Variants in GRIN2C observed in about 807,000 individuals in gnomAD.
GRIN2C encodes the protein glutamate receptor ionotropic, NMDA 2C.
Under a neutral mutation model 77.7 loss-of-function variants are expected in GRIN2C, and 64 were observed. The ratio of observed to expected loss-of-function variants is 0.82; its 90% CI spans 0.67 to 1.01. The LOEUF is 1.01. Ranked by LOEUF, GRIN2C falls within the 50% of genes least tolerant of loss-of-function variation. GRIN2C has a pLI of 0.00. For missense variants in GRIN2C, 1,549 were observed against 1,486.0 expected (o/e 1.04, Z -0.70); for synonymous variants, 792 against 643.4 (o/e 1.23, Z -3.49).
rs1035269712 is a variant in GRIN2C, at chr17:74,843,520, G to A, written c.2617C>T (p.Leu873Phe). 6 of 1,533,296 alleles carry A rather than the reference G, an allele frequency of 3.9e-6. No homozygotes were observed. The African/African-American group carries it at 6.9e-5, about 18-fold the overall frequency. 95.0% of individuals were successfully genotyped at this position (1,533,296 alleles called of 1,614,324 possible). The change falls in exon 13 of 13, where the codon CTC becomes TTC. Residue 873 changes from leucine (L) to phenylalanine (F), a missense_variant. Leu to Phe is a conservative substitution (Grantham distance 22). This residue lies in a region of GRIN2C where 450 missense variants were observed against 267.9 expected (regional missense o/e 1.68). Transcript: ENST00000293190. Reference protein sequence around the residue: ...IYSCFSGVQSLASPPRQASPD... With the variant: ...IYSCFSGVQSFASPPRQASPD... ...CTGGCCTGCCGCGGTGGGCTGGCGA[G>A]GCTCTGCACCCCGCTGAAGCAGCTG...
Position 74,842,100 on chromosome 17 carries a change from G to T in GRIN2C, c.*335C>A. The stretch of plus-strand genomic sequence containing the variant: ...GCCAGGTAGAGCAAGGATCGGGATG[G>T]CCCTGCCTCAACCACAAGTTCCAGC... On this transcript the variant is annotated 3_prime_UTR_variant, in exon 13 of 13. Transcript: ENST00000293190. 2 of 319,242 alleles carry T rather than the reference G, an allele frequency of 6.3e-6. No homozygotes were observed. The highest frequency in any genetic ancestry group is 4.0e-5 in the South Asian group (1 of 25,298). 19.8% of individuals were successfully genotyped at this position (319,242 alleles called of 1,614,324 possible). A position where few individuals can be genotyped will look rare whatever the true frequency, so the allele number is the denominator to read the frequency against.
At position 74,850,109 on chromosome 17, in the gene GRIN2C, C is replaced by T; in HGVS notation, c.1491+97G>A. Reference sequence around the variant, plus strand: ...CCCCAGGAGTCATCATTGGTGACAGCCCATGCCCCCCTCTAGAGGGCATCT... The same window carrying T: ...CCCCAGGAGTCATCATTGGTGACAGTCCATGCCCCCCTCTAGAGGGCATCT... On this transcript the variant is annotated intron_variant, in intron 6 of 12. Transcript: ENST00000293190. The surrounding 1 kb of genome is among the most constrained non-coding windows in gnomAD (Gnocchi z 5.3). 2 of 1,427,956 alleles carry T rather than the reference C, an allele frequency of 1.4e-6. No individual in the cohort carries two copies. Among genetic ancestry groups the T allele is most frequent in the Non-Finnish European group, 1.9e-6 (2 of 1,030,750 alleles). 88.5% of individuals were successfully genotyped at this position (1,427,956 alleles called of 1,614,324 possible).
intron 3 of GRIN2C, 134 bp from the exon 4 acceptor site, chr17:74,851,825 G>C (rs1469951174): frequency 1.4e-6 from 1 of 704,360 alleles, no homozygotes; most frequent in Admixed American, 2.3e-5. Flanking sequence ...TTGGCCCCAC[G>C]ATCCTTGCCA....
chr17:74,852,595 A>G lies in GRIN2C; in HGVS notation c.416T>C (p.Phe139Ser). ...VLTPKEPGSA[F>S]LQLGVSLEQQ... The stretch of plus-strand genomic sequence containing the variant: ...CTCCAGGGACACGCCCAGCTGCAGG[A>G]AGGCGGAGCCCGGCTCCTGGGGGCG... Residue 139 changes from phenylalanine to serine, a missense_variant, in exon 3 of 13, where the codon TTC becomes TCC. This residue lies in a region of GRIN2C where 382 missense variants were observed against 360.0 expected (regional missense o/e 1.06). Transcript: ENST00000293190. 1 of 1,417,610 alleles carries G rather than the reference A, an allele frequency of 7.1e-7. No individual in the cohort carries two copies. Among genetic ancestry groups the G allele is most frequent in the East Asian group, 3.0e-5 (1 of 33,690 alleles). 87.8% of individuals were successfully genotyped at this position (1,417,610 alleles called of 1,614,324 possible). A position where few individuals can be genotyped will look rare whatever the true frequency, so the allele number is the denominator to read the frequency against.
Position 74,846,192 on chromosome 17 carries a change from C to A in GRIN2C, c.2224G>T (p.Gly742Cys). The A allele has an allele frequency of 6.2e-7, 1 of 1,614,180 alleles. No individual in the cohort carries two copies. Among genetic ancestry groups the A allele is most frequent in the Non-Finnish European group, 8.5e-7 (1 of 1,180,016 alleles). The change falls in exon 11 of 13, where the codon GGC (glycine) becomes TGC (cysteine). Residue 742 changes from glycine (G) to cysteine (C), a missense_variant. Transcript: ENST00000293190. The surrounding 1 kb of genome is among the most constrained non-coding windows in gnomAD (Gnocchi z 4.4). ...VLNYMAGKDE[G>C]CKLVTIGSGK... is the part of the protein sequence containing the mutation. The stretch of plus-strand genomic sequence containing the variant: ...GACCCAATGGTGACCAGCTTGCAGC[C>A]CTCGTCCTTGCCTGCCATGTAGTTG...
Position 74,852,111 on chromosome 17 carries a change from G to A in GRIN2C, c.900C>T (p.Ala300=). The change falls in exon 3 of 13, where the codon GCC becomes GCT. Residue 300 remains alanine (A), a synonymous_variant. Transcript: ENST00000293190. ...TTCCATGCTGGCGCCAGTAGCTGTG[G>A]GCGCCCAGGGCCAGAATGGCCACGC... ...RDGVAILALG[A]HSYWRQHGTL... 6.8e-7 allele frequency: 1 copy of A among 1,461,536 alleles called. No individual in the cohort carries two copies. The highest frequency in any genetic ancestry group is 9.0e-7 in the Non-Finnish European group (1 of 1,105,704). The allele number at this position is 1,461,536 out of a possible 1,614,324, so 90.5% of individuals were successfully genotyped here.
In GRIN2C at chr17:74,846,871, G is replaced by A; in HGVS notation, c.2051C>T (p.Pro684Leu). The change falls in exon 10 of 13, where the codon CCC (proline) becomes CTC (leucine). Residue 684 changes from proline to leucine, a missense_variant. Around this residue, in one of 3 missense-constraint regions of GRIN2C, gnomAD observed 717 missense variants for 858.1 expected, o/e 0.84. Transcript: ENST00000293190. The surrounding 1 kb of genome is among the most constrained non-coding windows in gnomAD (Gnocchi z 4.4). ...GATGTTCCGCTCCGTGCTGCCGTTG[G>A]GCACCGTGCCGAAGCGGAAAGGTGG... ...QYPPFRFGTVPNGSTERNIRS... is the reference protein window; with the variant it reads ...QYPPFRFGTVLNGSTERNIRS... 6.2e-7 allele frequency: 1 copy of A among 1,614,128 alleles called. No individual in the cohort carries two copies. Among genetic ancestry groups the A allele is most frequent in the Non-Finnish European group, 8.5e-7 (1 of 1,180,020 alleles).
chr17:74,843,476 G>T lies in GRIN2C; in HGVS notation c.2661C>A (p.Ser887Arg). The T allele has an allele frequency of 6.5e-7, 1 of 1,534,334 alleles. No homozygotes were observed. The change falls in exon 13 of 13, where the codon AGC becomes AGA. Residue 887 changes from serine (S) to arginine (R), a missense_variant. Physicochemically the swap from Ser to Arg is moderately radical, Grantham distance 110. This residue lies in a region of GRIN2C where 450 missense variants were observed against 267.9 expected (regional missense o/e 1.68). Coordinates refer to ENST00000293190, the MANE Select transcript of GRIN2C (RefSeq NM_000835.6). ...TCTTGAGCACGCTGGCCTGGGCCGA[G>T]CTGGCCGTGAGGTCCGGGCTGGCCT... ...PRQASPDLTA[S>R]SAQASVLKML... is the part of the protein sequence containing the mutation.
chr17:74,843,203 C>CT lies in GRIN2C; in HGVS notation c.2933_2934insA (p.Arg980ProfsTer299). On this transcript the variant is annotated frameshift_variant, in exon 13 of 13. Transcript: ENST00000293190. LOFTEE classifies it low-confidence loss of function (END_TRUNC). Reference sequence around the variant, plus strand: ...GCGGCCCCGGCGTCGGGGGGCGGCCCGGGGGCTGCGGAGCCCTGCGCACAA... The same window carrying CT: ...GCGGCCCCGGCGTCGGGGGGCGGCCCTGGGGGCTGCGGAGCCCTGCGCACAA... 1 of 419,926 alleles carries CT rather than the reference C, an allele frequency of 2.4e-6. No homozygotes were observed. Among genetic ancestry groups the CT allele is most frequent in the Non-Finnish European group, 3.9e-6 (1 of 254,710 alleles). The allele number at this position is 419,926 out of a possible 1,614,324, so 26.0% of individuals were successfully genotyped here.
chr17:74,843,261 C>A lies in GRIN2C; in HGVS notation c.2876G>T (p.Gly959Val). 1.2e-6 allele frequency: 1 copy of A among 854,850 alleles called. No homozygotes were observed. The highest frequency in any genetic ancestry group is 2.2e-5 in the South Asian group (1 of 46,014). The allele number at this position is 854,850 out of a possible 1,614,324, so 53.0% of individuals were successfully genotyped here. Residue 959 changes from glycine to valine, a missense_variant, in exon 13 of 13, where the codon GGC becomes GTC. This residue lies in a region of GRIN2C where 450 missense variants were observed against 267.9 expected (regional missense o/e 1.68). Coordinates refer to ENST00000293190, the MANE Select transcript of GRIN2C (RefSeq NM_000835.6). ...PDPPPEPSPT[G>V]WGPPDGGRAA... Reference sequence around the variant, plus strand: ...GCGACCCCCGTCTGGCGGTCCCCAGCCCGTGGGGCTCGGCTCTGGGGGCGG... The same window carrying A: ...GCGACCCCCGTCTGGCGGTCCCCAGACCGTGGGGCTCGGCTCTGGGGGCGG...
Position 74,852,280 on chromosome 17 carries a change from C to CCGG in GRIN2C, c.728_730dup (p.Ala243dup), listed in dbSNP as rs1337261534. On this transcript the variant is annotated inframe_insertion, in exon 3 of 13. Coordinates refer to ENST00000293190, the MANE Select transcript of GRIN2C (RefSeq NM_000835.6). ...CCACACGTGGCCGGGCCCCACCAGA[C>CCGG]CGGCCTGCGCCGCCTCGGCGAAGAG... 26 of 1,412,532 alleles carry CCGG rather than the reference C, an allele frequency of 1.8e-5. No individual in the cohort carries two copies. Among genetic ancestry groups the CCGG allele is most frequent in the Admixed American group, 3.3e-5 (1 of 30,426 alleles). 87.5% of individuals were successfully genotyped at this position (1,412,532 alleles called of 1,614,324 possible). A position where few individuals can be genotyped will look rare whatever the true frequency, so the allele number is the denominator to read the frequency against.
intron 2 of GRIN2C, 92 bp from the exon 3 acceptor site, chr17:74,852,703 G>A: frequency 1.8e-6 from 1 of 568,414 alleles, no homozygotes; most frequent in Admixed American, 4.3e-5. Flanking sequence ...GCTCCCAGGC[G>A]CCCTTGCGCC....
Position 74,851,676 on chromosome 17 carries a change from G to A in GRIN2C, c.1014C>T (p.Val338=). The A allele has an allele frequency of 6.4e-7, 1 of 1,565,294 alleles. No homozygotes were observed. Among genetic ancestry groups the A allele is most frequent in the Non-Finnish European group, 8.7e-7 (1 of 1,154,076 alleles). Residue 338 remains valine (V), a synonymous_variant, in exon 4 of 13, where the codon GTC becomes GTT. Coordinates refer to ENST00000293190, the MANE Select transcript of GRIN2C (RefSeq NM_000835.6). ...AGGAGAAGTCTCGGCCCTCCCAGGTGACATTCAGTAGGTGCCTGCCAGAGG... is the reference window on the plus strand; with the variant it reads ...AGGAGAAGTCTCGGCCCTCCCAGGTAACATTCAGTAGGTGCCTGCCAGAGG... ...REAFYRHLLN[V]TWEGRDFSFS...
rs2037601604 is a variant in GRIN2C, at chr17:74,850,404, T to G, written c.1326-33A>C. The G allele has an allele frequency of 6.3e-7, 1 of 1,598,786 alleles. No individual in the cohort carries two copies. The highest frequency in any genetic ancestry group is 1.4e-5 in the African/African-American group (1 of 73,354). On this transcript the variant is annotated intron_variant, in intron 5 of 12. Transcript: ENST00000293190. This position sits in a 1 kb window ranked among gnomAD's most constrained non-coding sequence, Gnocchi z 5.3. ...CATGCCGCCATGAGACCACCGGGAGTCAGAGTATGTCGTGGCCCAGCCCCG... is the reference window on the plus strand; with the variant it reads ...CATGCCGCCATGAGACCACCGGGAGGCAGAGTATGTCGTGGCCCAGCCCCG...
Position 74,847,500 on chromosome 17 carries a change from C to G in GRIN2C, c.1809G>C (p.Val603=), listed in dbSNP as rs1180442735. 2.5e-6 allele frequency: 4 copies of G among 1,614,018 alleles called. No individual in the cohort carries two copies. The Admixed American group carries it at 6.7e-5, about 27-fold the overall frequency. Reference sequence around the variant, plus strand: ...TGAAGACCAGCGCCCACAGCAGCCACACGGACTTGCCGATAGTGAAAGCTG... The same window carrying G: ...TGAAGACCAGCGCCCACAGCAGCCAGACGGACTTGCCGATAGTGAAAGCTG... ...GGPAFTIGKS[V]WLLWALVFNN... is the part of the protein sequence containing the mutation. The change falls in exon 9 of 13, where the codon GTG becomes GTC. Residue 603 remains valine (V), a synonymous_variant. Coordinates refer to ENST00000293190, the MANE Select transcript of GRIN2C (RefSeq NM_000835.6). This position sits in a 1 kb window ranked among gnomAD's most constrained non-coding sequence, Gnocchi z 5.2.
intron 11 of GRIN2C, 40 bp from the exon 12 acceptor site, chr17:74,844,548 C>T (rs2037400832): frequency 6.3e-7 from 1 of 1,596,502 alleles, no homozygotes. Context: ...CAGGAAACCC[C>T]CCTATAAGCA....
intron 7 of GRIN2C, among the ~76,000 whole-genome samples, chr17:74,848,961 T>G (rs904847235): frequency 6.7e-6 from 1 of 149,486 alleles, no homozygotes; most frequent in Non-Finnish European, 1.5e-5. Flanking sequence ...CAGGCTGTAG[T>G]GAGCCAAGAT....
At chr17:74,858,797 C>T (rs1165299413) in intron 1 of GRIN2C, among the ~76,000 whole-genome samples, 2 of 152,094 alleles carry the variant, frequency 1.3e-5, no homozygotes, top group Non-Finnish European at 2.9e-5. Context: ...GAACCCACAG[C>T]TCTGCCAGTC....
chr17:74,861,107 C>G (rs887460272), upstream of GRIN2C, among the ~76,000 whole-genome samples: 5 of 152,310 alleles, frequency 3.3e-5, no homozygotes, highest in South Asian at 6.2e-4. Flanking sequence ...CCGCGCCAAG[C>G]GAAGGAGGAG....
Sources: allele counts gnomAD v4.1 joint callset (sites outside exome capture counted in the v4.1 genomes callset), GRCh38; gene constraint gnomAD v4.1.1; regional missense constraint gnomAD v4.1.1; non-coding constraint Gnocchi (gnomAD v3.1); transcripts MANE v1.5; gene names NCBI Gene and HGNC (gene_info 2026-07-23, HGNC 2026-07-21).